Variants in HMG20A observed in about 807,000 individuals in gnomAD.
HMG20A encodes the protein high mobility group protein 20A.
Under a neutral mutation model 43.9 loss-of-function variants are expected in HMG20A, and 17 were observed. That is an observed-to-expected ratio of 0.39 (90% CI 0.27 to 0.58). HMG20A has a LOEUF of 0.58. Among genes scored for constraint, HMG20A ranks in the 20% least tolerant of loss-of-function variants. HMG20A has a pLI of 0.59. For missense variants in HMG20A, 341 were observed against 438.2 expected (o/e 0.78, Z 1.98); for synonymous variants, 132 against 147.5 (o/e 0.89, Z 0.76).
At chr15:77,502,718 A>C in the HMG20A span, among the ~76,000 whole-genome samples, 1 of 152,322 alleles carries the variant, frequency 6.6e-6, no homozygotes, top group East Asian at 1.9e-4. Flanking sequence ...CTGTAATCCC[A>C]GCACTTCGAG....
chr15:77,518,145 A>G, the HMG20A span, among the ~76,000 whole-genome samples: 1 of 152,256 alleles, frequency 6.6e-6, no homozygotes, highest in African/African-American at 2.4e-5. Flanking sequence ...TGGCACCCAG[A>G]GTTTTCACTT....
At chr15:77,489,308 T>G (rs916942386), downstream of HMG20A, among the ~76,000 whole-genome samples, 1 of 152,224 alleles carries the variant, frequency 6.6e-6, no homozygotes, top group African/African-American at 2.4e-5. Context: ...GTAAGTAAAT[T>G]AAGACACAGA....
intron 3 of HMG20A, among the ~76,000 whole-genome samples, chr15:77,465,282 A>AG (rs1248604186): frequency 0.037 from 5,126 of 139,500 alleles, 40 homozygotes; most frequent in Non-Finnish European, 0.056. Context: ...AAAAAAAAAA[A>AG]AAAGAAAGAA....
rs2073308874 is a variant in HMG20A at position 77,420,954 on chromosome 15, G to T, written c.-55G>T. 2.5e-6 allele frequency: 1 copy of T among 398,718 alleles called. No individual in the cohort carries two copies. Among genetic ancestry groups the T allele is most frequent in the Non-Finnish European group, 4.4e-6 (1 of 226,100 alleles). 24.7% of individuals were successfully genotyped at this position (398,718 alleles called of 1,614,324 possible). A position where few individuals can be genotyped will look rare whatever the true frequency, so the allele number is the denominator to read the frequency against. On this transcript the variant is annotated 5_prime_UTR_variant, in exon 1 of 10. Transcript: ENST00000336216. ...GGGGCTGAGGGAATTGTCCTCTGTG[G>T]AAGGGACTTTCTTTTGGCCCTAGGC...
chr15:77,471,120 TAACTATAA>T (rs2072804397), intron 5 of HMG20A, 78 bp downstream of exon 5: 6 of 1,411,072 alleles, frequency 4.3e-6, no homozygotes, highest in Non-Finnish European at 5.7e-6. Context: ...TTAAGAGTGG[TAACTATAA>T]AAGATGTGTT....
chr15:77,438,892 A>G (rs946751331), intron 1 of HMG20A, among the ~76,000 whole-genome samples: 1 of 151,870 alleles, frequency 6.6e-6, no homozygotes, highest in Non-Finnish European at 1.5e-5. Flanking sequence ...CCTGGTTCAC[A>G]CCATTCTCCT....
chr15:77,436,240 A>G (rs2073546306), intron 1 of HMG20A, among the ~76,000 whole-genome samples: 2 of 152,000 alleles, frequency 1.3e-5, no homozygotes, highest in South Asian at 4.1e-4. Flanking sequence ...ACCTCTTACT[A>G]ATCCCCTTAC....
the HMG20A span, among the ~76,000 whole-genome samples, chr15:77,504,118 G>T: frequency 2.6e-5 from 4 of 152,218 alleles, no homozygotes; most frequent in Non-Finnish European, 2.9e-5. Flanking sequence ...TGCCTTTGCT[G>T]ACCAAGAGTC....
chr15:77,448,206 C>T (rs1209036772), intron 1 of HMG20A, among the ~76,000 whole-genome samples: 1 of 152,172 alleles, frequency 6.6e-6, no homozygotes, highest in Non-Finnish European at 1.5e-5. Flanking sequence ...CACCTTCATT[C>T]AGTCTGTTCT....
At chr15:77,425,704 C>T (rs565279542) in intron 1 of HMG20A, among the ~76,000 whole-genome samples, 3 of 152,280 alleles carry the variant, frequency 2.0e-5, no homozygotes, top group African/African-American at 4.8e-5. Flanking sequence ...GAGAGATACC[C>T]TCTGCTACCT....
intron 1 of HMG20A, among the ~76,000 whole-genome samples, chr15:77,433,201 A>G (rs2073506705): frequency 6.6e-6 from 1 of 152,094 alleles, no homozygotes; most frequent in South Asian, 2.1e-4. Context: ...TTTAAAAATT[A>G]ACCGGGCATG....
the HMG20A span, among the ~76,000 whole-genome samples, chr15:77,501,771 C>T: frequency 6.6e-6 from 1 of 152,202 alleles, no homozygotes; most frequent in East Asian, 1.9e-4. Context: ...TAAAAGGCAA[C>T]ATAACGAAGG....
chr15:77,467,451 G>A, intron 4 of HMG20A, 144 bp downstream of exon 4: 1 of 671,952 alleles, frequency 1.5e-6, no homozygotes, highest in South Asian at 1.9e-5. Context: ...GTCCATCATA[G>A]CAATTTTCTC....
downstream of HMG20A, among the ~76,000 whole-genome samples, chr15:77,485,925 C>T (rs183028725): frequency 7.0e-4 from 107 of 152,192 alleles, 3 homozygotes; most frequent in East Asian, 0.016. Context: ...AGCGAGACTC[C>T]GTCTCAAAAA....
Position 77,479,255 on chromosome 15 carries a change from C to A in HMG20A, c.984C>A (p.Pro328=), listed in dbSNP as rs758195388. The A allele has an allele frequency of 1.2e-6, 2 of 1,613,962 alleles. No individual in the cohort carries two copies. Among genetic ancestry groups the A allele is most frequent in the Non-Finnish European group, 1.7e-6 (2 of 1,179,968 alleles). ...NRLHSIILAN[P]QDNENFIATV... ...TGCACAGTATTATTTTAGCTAATCC[C>A]CAAGACAATGAAAACTTCATAGCTA... Residue 328 remains proline (P), a synonymous_variant, in exon 9 of 10, where the codon CCC becomes CCA. Coordinates refer to ENST00000336216, the MANE Select transcript of HMG20A (RefSeq NM_001304504.2).
chr15:77,427,362 G>A lies in HMG20A; in HGVS notation c.-5+6358G>A, dbSNP rs140002499. On this transcript the variant is annotated intron_variant, in intron 1 of 9. Coordinates refer to ENST00000336216, the MANE Select transcript of HMG20A (RefSeq NM_001304504.2). ...ATTTTCCTTATTTGACTTTTTTTCT[G>A]AAGATAAAATCTTATGAGTGTGATT... Among the ~76,000 whole-genome samples the A allele has an allele frequency of 5.1e-3, 779 of 152,148 alleles. 5 individuals are homozygous for A. Among genetic ancestry groups the A allele is most frequent in the African/African-American group, 0.017 (724 of 41,520 alleles).
At chr15:77,488,748 CAG>C (rs904712388), downstream of HMG20A, among the ~76,000 whole-genome samples, 12 of 152,276 alleles carry the variant, frequency 7.9e-5, no homozygotes, top group Non-Finnish European at 1.5e-4. Flanking sequence ...ATCATTAAAT[CAG>C]TAAGTTGGTC....
At chr15:77,511,836 GAA>G in the HMG20A span, among the ~76,000 whole-genome samples, 1 of 152,176 alleles carries the variant, frequency 6.6e-6, no homozygotes, top group Admixed American at 6.5e-5. Context: ...AGTTGCTGTG[GAA>G]AACCGTATGG....
the HMG20A span, among the ~76,000 whole-genome samples, chr15:77,519,503 C>T: frequency 1.4e-4 from 21 of 152,252 alleles, no homozygotes; most frequent in Middle Eastern, 3.4e-3. Context: ...TGGAAGTAAT[C>T]GAGTCCTGAA....
Sources: gnomAD v4.1 joint callset for allele counts (sites outside exome capture counted in the v4.1 genomes callset) on GRCh38, gnomAD v4.1.1 for gene constraint, MANE v1.5 for transcripts, NCBI Gene and HGNC (gene_info 2026-07-23, HGNC 2026-07-21) for gene names.